The following DENND1B variants were observed in gnomAD, a reference collection of about 807,000 sequenced individuals.
DENND1B encodes DENN domain containing 1B, also known as DENN domain-containing protein 1B.
A neutral mutation model predicts 90.1 loss-of-function variants in DENND1B; 59 were observed. The observed-to-expected ratio is 0.65, with a 90% CI of 0.53 to 0.81. The LOEUF (loss-of-function observed/expected upper bound fraction) is 0.81, where lower values mean the gene tolerates loss of function less well. DENND1B is among the 40% of genes least tolerant of loss of function. DENND1B has a pLI of 0.00. For synonymous variants in DENND1B, 337 were observed against 324.6 expected (o/e 1.04, Z -0.41); for missense variants, 862 against 912.6 (o/e 0.94, Z 0.71).
At chr1:197,610,953 C>A (rs1213204679) in intron 12 of DENND1B, among the ~76,000 whole-genome samples, 1 of 150,616 alleles carries the variant, frequency 6.6e-6, no homozygotes, top group Admixed American at 6.6e-5. Flanking sequence ...ACCTAGAGTA[C>A]CGGTCGGAAT....
chr1:197,685,465 C>A (rs1657136537), intron 3 of DENND1B, among the ~76,000 whole-genome samples: 1 of 151,802 alleles, frequency 6.6e-6, no homozygotes, highest in Non-Finnish European at 1.5e-5. Flanking sequence ...AAGTACTTAG[C>A]AAGTAAAATA....
chr1:197,773,826 G>T (rs1656915270), intron 1 of DENND1B, among the ~76,000 whole-genome samples: 2 of 152,164 alleles, frequency 1.3e-5, no homozygotes, highest in African/African-American at 4.8e-5. Flanking sequence ...GATTAAGTCT[G>T]TTACCACAAC....
chr1:197,537,387 T>A (rs1669988975), intron 20 of DENND1B, among the ~76,000 whole-genome samples: 1 of 152,130 alleles, frequency 6.6e-6, no homozygotes, highest in Admixed American at 6.5e-5. Context: ...TTAATGATAA[T>A]ATATAGTAGC....
chr1:197,621,756 G>A (rs1678189872), intron 10 of DENND1B, among the ~76,000 whole-genome samples: 1 of 151,156 alleles, frequency 6.6e-6, no homozygotes, highest in Admixed American at 6.6e-5. Flanking sequence ...GAATTTCCAT[G>A]TTTCAGTTCA....
chr1:197,552,986 G>A (rs1671370306), intron 16 of DENND1B, 36 bp downstream of exon 16: 3 of 1,559,790 alleles, frequency 1.9e-6, no homozygotes, highest in Non-Finnish European at 8.6e-7. Context: ...AATTGTTATT[G>A]AGAAAATGGA....
At chr1:197,511,368 C>T (rs1462696000) in intron 22 of DENND1B, among the ~76,000 whole-genome samples, 1 of 151,642 alleles carries the variant, frequency 6.6e-6, no homozygotes, top group Non-Finnish European at 1.5e-5. Flanking sequence ...TGAATGAATA[C>T]ATTTACTGAA....
chr1:197,648,608 C>T (rs1167299310), intron 7 of DENND1B, among the ~76,000 whole-genome samples: 2 of 152,134 alleles, frequency 1.3e-5, no homozygotes, highest in Admixed American at 1.3e-4. Flanking sequence ...ATAACACTTT[C>T]AAAGAGAAAT....
chr1:197,751,543 GAAGAA>G, intron 2 of DENND1B, among the ~76,000 whole-genome samples: 1 of 152,114 alleles, frequency 6.6e-6, no homozygotes, highest in Non-Finnish European at 1.5e-5. Context: ...ATCCAAAGTA[GAAGAA>G]AATAATAAAT....
intron 5 of DENND1B, among the ~76,000 whole-genome samples, chr1:197,658,725 G>T (rs1209639149): frequency 6.6e-6 from 1 of 151,026 alleles, no homozygotes; most frequent in Non-Finnish European, 1.5e-5. Flanking sequence ...TAAAACAAAA[G>T]ATATCAAAAA....
chr1:197,693,419 T>G (rs1329516094), intron 3 of DENND1B, among the ~76,000 whole-genome samples: 1 of 151,702 alleles, frequency 6.6e-6, no homozygotes, highest in African/African-American at 2.4e-5. Context: ...ATTAGGTTCA[T>G]TTAAAGGTGC....
At chr1:197,613,408 G>A (rs191124419) in intron 11 of DENND1B, among the ~76,000 whole-genome samples, 87 of 150,536 alleles carry the variant, frequency 5.8e-4, no homozygotes, top group African/African-American at 2.0e-3. Flanking sequence ...GCCCTTTGTA[G>A]CTTTGTTCCT....
intron 1 of DENND1B, 94 bp downstream of exon 1, chr1:197,775,045 C>A: frequency 1.1e-6 from 1 of 903,406 alleles, no homozygotes; most frequent in Non-Finnish European, 1.4e-6. Context: ...GCCCGGGGAG[C>A]CGGTTGAGCG....
chr1:197,649,828 GA>G (rs1357029651), intron 7 of DENND1B, among the ~76,000 whole-genome samples: 2 of 152,214 alleles, frequency 1.3e-5, no homozygotes, highest in East Asian at 3.9e-4. Flanking sequence ...TCATGACCAA[GA>G]AACCAAAAGC....
chr1:197,629,934 C>CT (rs1679175700), intron 10 of DENND1B, among the ~76,000 whole-genome samples: 1 of 152,016 alleles, frequency 6.6e-6, no homozygotes, highest in African/African-American at 2.4e-5. Flanking sequence ...ATACAAATGA[C>CT]AAATAAGCAT....
In DENND1B at chr1:197,764,383, G is replaced by A. The variant is rs1655448821; in HGVS notation, c.82+8485C>T. 5.3e-5 allele frequency among the ~76,000 whole-genome samples: 8 copies of A among 152,230 alleles called. No individual in the cohort carries two copies. The South Asian group carries it at 1.7e-3, about 32-fold the overall frequency. On this transcript the variant is annotated intron_variant, in intron 2 of 22. Coordinates refer to ENST00000620048, the MANE Select transcript of DENND1B (RefSeq NM_001195215.2). The stretch of plus-strand genomic sequence containing the variant: ...ACTATTTATGTAGAACATCTAACTG[G>A]AAGCCTAATCAGAGAAAATAAATTG...
Position 197,519,351 on chromosome 1 carries a change from A to G in DENND1B, c.1516-6398T>C, listed in dbSNP as rs527333693. ...GAACCTATTAATGAACTGATAAGAA[A>G]AACATAAAGGATAAAGTACTATACT... is the stretch of plus-strand genomic sequence containing the variant. On this transcript the variant is annotated intron_variant, in intron 20 of 22. Coordinates refer to ENST00000620048, the MANE Select transcript of DENND1B (RefSeq NM_001195215.2). Among the ~76,000 whole-genome samples, 30 of 152,052 alleles carry G rather than the reference A, an allele frequency of 2.0e-4. No individual in the cohort carries two copies. The South Asian group carries it at 6.2e-3, about 32-fold the overall frequency.
chr1:197,565,897 C>T (rs1370827027), intron 15 of DENND1B, among the ~76,000 whole-genome samples: 1 of 149,182 alleles, frequency 6.7e-6, no homozygotes, highest in Non-Finnish European at 1.5e-5. Context: ...CATTGTTGGA[C>T]ATTTGGGTTG....
intron 15 of DENND1B, among the ~76,000 whole-genome samples, chr1:197,575,115 C>T (rs1325174216): frequency 3.3e-5 from 5 of 152,042 alleles, no homozygotes; most frequent in Admixed American, 2.0e-4. Context: ...ACACAGCTTC[C>T]GCATGGCAAA....
At chr1:197,656,629 A>G (rs1390767144) in intron 6 of DENND1B, among the ~76,000 whole-genome samples, 1 of 152,038 alleles carries the variant, frequency 6.6e-6, no homozygotes, top group Non-Finnish European at 1.5e-5. Context: ...GTGAGACTCT[A>G]TCTGTACAAA....
Sources: allele counts gnomAD v4.1 joint callset (sites outside exome capture counted in the v4.1 genomes callset), GRCh38; gene constraint gnomAD v4.1.1; transcripts MANE v1.5; gene names NCBI Gene and HGNC (gene_info 2026-07-23, HGNC 2026-07-21).